Variants in SEPTIN9 observed in about 807,000 individuals in gnomAD.
SEPTIN9 encodes septin 9, also known as septin-9.
SEPTIN9 carries 13 observed loss-of-function variants against 56.6 expected under a neutral mutation model. The ratio of observed to expected loss-of-function variants is 0.23; its 90% CI spans 0.15 to 0.37. SEPTIN9 has a LOEUF of 0.37. Among genes scored for constraint, SEPTIN9 ranks in the 10% least tolerant of loss-of-function variants. The pLI is 1.00. For synonymous variants in SEPTIN9, 332 were observed against 334.1 expected (o/e 0.99, Z 0.07); for missense variants, 650 against 823.1 (o/e 0.79, Z 2.57).
chr17:77,463,959 G>C (rs1405973296), intron 3 of SEPTIN9, among the ~76,000 whole-genome samples: 1 of 152,182 alleles, frequency 6.6e-6, no homozygotes, highest in Non-Finnish European at 1.5e-5. Context: ...TTCTTGATCA[G>C]TTGTTGGCTG....
Position 77,318,331 on chromosome 17 carries a change from C to T in SEPTIN9, c.76+11134C>T, listed in dbSNP as rs1448398519. 2.0e-5 allele frequency among the ~76,000 whole-genome samples: 3 copies of T among 152,168 alleles called. No individual in the cohort carries two copies. Among genetic ancestry groups the T allele is most frequent in the South Asian group, 4.2e-4 (2 of 4,818 alleles). On this transcript the variant is annotated intron_variant, in intron 2 of 11. Transcript: ENST00000427177. The surrounding 1 kb of genome is among the most constrained non-coding windows in gnomAD (Gnocchi z 4.9). ...GCCATCCCTGTCTGTGTCAAATCTC[C>T]CTCTGCCCCCGTCTTGTATGAGCAC...
intron 3 of SEPTIN9, among the ~76,000 whole-genome samples, chr17:77,454,689 C>T (rs200631672): frequency 1.3e-5 from 2 of 152,330 alleles, no homozygotes; most frequent in Admixed American, 6.5e-5. Flanking sequence ...TCAAACTCGC[C>T]GCCGCTCAGC....
intron 1 of SEPTIN9, among the ~76,000 whole-genome samples, chr17:77,300,772 C>T (rs1598485428): frequency 3.1e-5 from 3 of 95,298 alleles, no homozygotes; most frequent in African/African-American, 4.2e-5. Context: ...AGGCTCAAAG[C>T]GCCCCCATCC....
At chr17:77,441,069 T>G (rs1484993939) in intron 3 of SEPTIN9, among the ~76,000 whole-genome samples, 1 of 152,198 alleles carries the variant, frequency 6.6e-6, no homozygotes, top group Non-Finnish European at 1.5e-5. Flanking sequence ...TTCCAGCGTT[T>G]TCTCAGCCTC....
chr17:77,440,462 A>G (rs1478936756), intron 3 of SEPTIN9, among the ~76,000 whole-genome samples: 1 of 152,184 alleles, frequency 6.6e-6, no homozygotes, highest in African/African-American at 2.4e-5. Context: ...GCTTTCGTAT[A>G]TCTATAAAAG....
chr17:77,316,161 C>T (rs1051526792), intron 2 of SEPTIN9, among the ~76,000 whole-genome samples: 5 of 152,230 alleles, frequency 3.3e-5, no homozygotes, highest in Admixed American at 1.3e-4. Flanking sequence ...AGGGAGGGAC[C>T]GCGGGGGATC....
chr17:77,429,457 G>C lies in SEPTIN9; in HGVS notation c.721+26754G>C. On this transcript the variant is annotated intron_variant, in intron 3 of 11. Transcript: ENST00000427177. The surrounding 1 kb of genome is among the most constrained non-coding windows in gnomAD (Gnocchi z 5.2). Reference sequence around the variant, plus strand: ...AGGGACTGAGGGCTGATTGTGTTGTGGGGATGTTGGCAGAGAATCAGAGAG... The same window carrying C: ...AGGGACTGAGGGCTGATTGTGTTGTCGGGATGTTGGCAGAGAATCAGAGAG... 3 of 377,066 alleles carry C rather than the reference G, an allele frequency of 8.0e-6. No individual in the cohort carries two copies. The highest frequency in any genetic ancestry group is 5.9e-5 in the South Asian group (3 of 50,930). 23.4% of individuals were successfully genotyped at this position (377,066 alleles called of 1,614,324 possible). A position where few individuals can be genotyped will look rare whatever the true frequency, so the allele number is the denominator to read the frequency against.
intron 3 of SEPTIN9, among the ~76,000 whole-genome samples, chr17:77,466,220 G>A (rs1041680696): frequency 5.9e-5 from 9 of 152,240 alleles, no homozygotes; most frequent in Admixed American, 1.3e-4. Flanking sequence ...CCAGCCAGCC[G>A]GTAGGCAGTT....
chr17:77,497,430 G>C, intron 11 of SEPTIN9, 64 bp downstream of exon 11: 1 of 1,492,430 alleles, frequency 6.7e-7, no homozygotes, highest in Non-Finnish European at 9.3e-7. Flanking sequence ...TACAGCGGGT[G>C]GGGGCAGTGG....
intron 3 of SEPTIN9, among the ~76,000 whole-genome samples, chr17:77,470,158 T>C (rs1327528283): frequency 1.4e-5 from 2 of 144,096 alleles, no homozygotes; most frequent in Admixed American, 6.8e-5. Context: ...CATTCACCCA[T>C]TTATCCATCC....
chr17:77,297,025 G>C (rs1446965873), intron 1 of SEPTIN9, among the ~76,000 whole-genome samples: 1 of 152,138 alleles, frequency 6.6e-6, no homozygotes, highest in Admixed American at 6.5e-5. Flanking sequence ...ATGGTGGATG[G>C]GTGGGTAGAT....
intron 3 of SEPTIN9, among the ~76,000 whole-genome samples, chr17:77,415,686 C>T (rs181252845): frequency 8.5e-5 from 13 of 152,178 alleles, no homozygotes; most frequent in Non-Finnish European, 1.8e-4. Flanking sequence ...TGCCCGGCAC[C>T]GAAGCCGAGG....
chr17:77,478,803 T>TAA (rs528548050), intron 3 of SEPTIN9, among the ~76,000 whole-genome samples: 14,910 of 102,488 alleles, frequency 0.15, 2,820 homozygotes, highest in African/African-American at 0.44. Context: ...AAACTCTGTC[T>TAA]AAAAAAAAAA....
At chr17:77,362,242 G>A (rs2034441778) in intron 2 of SEPTIN9, among the ~76,000 whole-genome samples, 1 of 152,232 alleles carries the variant, frequency 6.6e-6, no homozygotes, top group Non-Finnish European at 1.5e-5. Context: ...AGCTCCAGAT[G>A]TGTGCTCAAG....
intron 2 of SEPTIN9, among the ~76,000 whole-genome samples, chr17:77,385,641 C>T (rs55727612): frequency 0.39 from 59,422 of 152,118 alleles, 12,316 homozygotes; most frequent in Non-Finnish European, 0.47. Context: ...AAGCAGAGGC[C>T]GGAAAGTGTC....
chr17:77,331,405 G>A (rs1166283992), intron 2 of SEPTIN9, among the ~76,000 whole-genome samples: 1 of 151,980 alleles, frequency 6.6e-6, no homozygotes, highest in African/African-American at 2.4e-5. Context: ...GTCGAGCGGG[G>A]GCGGTGTCCA....
In SEPTIN9 at chr17:77,301,045, G is replaced by T. The variant is rs374416766; in HGVS notation, c.20-6096G>T. Among the ~76,000 whole-genome samples the T allele has an allele frequency of 4.1e-4, 53 of 128,968 alleles. No homozygotes were observed. In the East Asian group the frequency reaches 6.8e-3, roughly 17 times the overall value. The allele number at this position is 128,968 out of a possible 152,430, so 84.6% of individuals were successfully genotyped here. A position where few individuals can be genotyped will look rare whatever the true frequency, so the allele number is the denominator to read the frequency against. On this transcript the variant is annotated intron_variant, in intron 1 of 11. Coordinates refer to ENST00000427177, the MANE Select transcript of SEPTIN9 (RefSeq NM_001113491.2). ...CCCAGCTCAAACCGCCCTATCCCAG[G>T]CTCAAACCGCTCCCACCCCAGGCTC...
Position 77,405,038 on chromosome 17 carries a change from C to CA in SEPTIN9, c.721+2338dup. ...TTGATGTGTTCACACTCAGCTGAGT[C>CA]AAACAGGATGTGGCTGGGGAGGCGG... is the stretch of plus-strand genomic sequence containing the variant. On this transcript the variant is annotated intron_variant, in intron 3 of 11. Transcript: ENST00000427177. The surrounding 1 kb of genome is among the most constrained non-coding windows in gnomAD (Gnocchi z 5.8). The CA allele has an allele frequency of 1.3e-6, 2 of 1,526,514 alleles. No homozygotes were observed. Among genetic ancestry groups the CA allele is most frequent in the South Asian group, 2.4e-5 (2 of 83,306 alleles). 94.6% of individuals were successfully genotyped at this position (1,526,514 alleles called of 1,614,324 possible).
intron 3 of SEPTIN9, chr17:77,472,515 C>T (rs2039044502): frequency 6.6e-6 from 1 of 152,256 alleles, no homozygotes; most frequent in Non-Finnish European, 1.5e-5. Flanking sequence ...TTCTTGTTGG[C>T]TCTTCCACCT....
Sources: allele counts gnomAD v4.1 joint callset (sites outside exome capture counted in the v4.1 genomes callset), GRCh38; gene constraint gnomAD v4.1.1; non-coding constraint Gnocchi (gnomAD v3.1); transcripts MANE v1.5; gene names NCBI Gene and HGNC (gene_info 2026-07-23, HGNC 2026-07-21).